Variants in WNK1 observed in about 807,000 individuals in gnomAD.
WNK1 encodes the protein serine/threonine-protein kinase WNK1.
WNK1 carries 38 observed loss-of-function variants against 222.8 expected under a neutral mutation model. That is an observed-to-expected ratio of 0.17 (90% CI 0.13 to 0.22). The LOEUF (loss-of-function observed/expected upper bound fraction) is 0.22. Among genes scored for constraint, WNK1 ranks in the 10% least tolerant of loss-of-function variants. The probability of loss-of-function intolerance (pLI) is 1.00; values close to 1 mark genes in which losing one functional copy is unlikely to be tolerated. For missense variants in WNK1, 2,348 were observed against 2,918.4 expected, an observed-to-expected ratio of 0.80 and a Z score of 4.50; for synonymous variants, 1,090 against 1,092.9, an observed-to-expected ratio of 1.00 and a Z score of 0.05.
At chr12:882,666 C>G (rs1342999184) in intron 14 of WNK1, among the ~76,000 whole-genome samples, 1 of 152,054 alleles carries the variant, frequency 6.6e-6, no homozygotes, top group East Asian at 1.9e-4. Flanking sequence ...TATAATTAGC[C>G]AAATGATATT....
intron 1 of WNK1, among the ~76,000 whole-genome samples, chr12:791,150 A>G (rs1462681602): frequency 2.0e-5 from 3 of 152,060 alleles, no homozygotes; most frequent in African/African-American, 7.2e-5. Context: ...TAGTACCACA[A>G]TATATAATAA....
chr12:756,865 G>C (rs1191904114), intron 1 of WNK1, among the ~76,000 whole-genome samples: 1 of 152,172 alleles, frequency 6.6e-6, no homozygotes, highest in African/African-American at 2.4e-5. Flanking sequence ...TTAAGTTGTT[G>C]AGTTAAAAAT....
chr12:762,900 C>A (rs1320153511), intron 1 of WNK1, among the ~76,000 whole-genome samples: 1 of 146,444 alleles, frequency 6.8e-6, no homozygotes, highest in Non-Finnish European at 1.5e-5. Flanking sequence ...GAAGGCGCCA[C>A]CATGCCCAGC....
chr12:864,992 G>A, intron 8 of WNK1: 1 of 1,319,592 alleles, frequency 7.6e-7, no homozygotes. Flanking sequence ...CTGACTTTGT[G>A]GAATTGGGAG....
At chr12:864,466 A>G (rs1367563813) in intron 8 of WNK1, among the ~76,000 whole-genome samples, 2 of 152,148 alleles carry the variant, frequency 1.3e-5, no homozygotes, top group Non-Finnish European at 2.9e-5. Flanking sequence ...TTACTTTGTA[A>G]AAGTACAAAA....
chr12:842,056 C>G (rs1353428513), intron 4 of WNK1, among the ~76,000 whole-genome samples: 1 of 152,170 alleles, frequency 6.6e-6, no homozygotes, highest in African/African-American at 2.4e-5. Flanking sequence ...TGTTTGTATT[C>G]ATTGTGCACA....
In WNK1 at chr12:885,381, C is replaced by T. The variant is rs1953558339; in HGVS notation, c.4577C>T (p.Ala1526Val). ...PTLAETVVVSAHSLDKTSHSS... is the reference protein window; with the variant it reads ...PTLAETVVVSVHSLDKTSHSS... ...TTAGCTGAAACCGTGGTAGTTAGCG[C>T]ACACTCACTAGATAAGACATCTCAT... The change falls in exon 19 of 28, where the codon GCA (alanine) becomes GTA (valine). Residue 1526 changes from alanine (A) to valine (V), a missense_variant. This residue lies in a region of WNK1 where 1,144 missense variants were observed against 1,273.6 expected (regional missense o/e 0.90). Transcript: ENST00000315939. 6.2e-7 allele frequency: 1 copy of T among 1,613,790 alleles called. No homozygotes were observed. Among genetic ancestry groups the T allele is most frequent in the Non-Finnish European group, 8.5e-7 (1 of 1,180,030 alleles).
chr12:904,209 T>C (rs1955511003), intron 26 of WNK1, among the ~76,000 whole-genome samples: 1 of 152,152 alleles, frequency 6.6e-6, no homozygotes. Context: ...GATACAAAGA[T>C]TGGGTGTAGA....
At chr12:835,616 A>T (rs991939415) in intron 4 of WNK1, among the ~76,000 whole-genome samples, 13 of 151,908 alleles carry the variant, frequency 8.6e-5, no homozygotes, top group African/African-American at 3.1e-4. Flanking sequence ...CCTCACCTGG[A>T]GTTTACATTC....
At chr12:799,268 G>A (rs1453544778) in intron 1 of WNK1, among the ~76,000 whole-genome samples, 1 of 151,602 alleles carries the variant, frequency 6.6e-6, no homozygotes, top group Non-Finnish European at 1.5e-5. Context: ...GACCTCAGGC[G>A]TGCACCACCA....
chr12:860,692 A>G (rs1220271939), intron 6 of WNK1, among the ~76,000 whole-genome samples: 1 of 152,202 alleles, frequency 6.6e-6, no homozygotes, highest in Non-Finnish European at 1.5e-5. Context: ...AGTGAATAGA[A>G]CAGAGTACCT....
chr12:822,402 C>G (rs935815842), intron 2 of WNK1, among the ~76,000 whole-genome samples: 2 of 152,142 alleles, frequency 1.3e-5, no homozygotes, highest in Admixed American at 1.3e-4. Context: ...CGTAATATAT[C>G]ACATTCCTAG....
At chr12:857,350 T>A (rs1950864097) in intron 5 of WNK1, 101 bp downstream of exon 5, 1 of 1,103,850 alleles carries the variant, frequency 9.1e-7, no homozygotes, top group African/African-American at 1.6e-5. Context: ...ATATTTGTGA[T>A]TGGTTTCTCT....
At chr12:806,789 T>C (rs565067230) in intron 1 of WNK1, among the ~76,000 whole-genome samples, 1 of 152,336 alleles carries the variant, frequency 6.6e-6, no homozygotes, top group East Asian at 1.9e-4. Context: ...GTCGTAGATA[T>C]TTGGAAATCT....
intron 1 of WNK1, among the ~76,000 whole-genome samples, chr12:779,094 G>C (rs1943416811): frequency 6.6e-6 from 1 of 152,184 alleles, no homozygotes; most frequent in African/African-American, 2.4e-5. Context: ...TTCAGTGGGA[G>C]AGCATTCTCT....
At chr12:807,618 C>A (rs1303388958) in intron 1 of WNK1, among the ~76,000 whole-genome samples, 2 of 150,896 alleles carry the variant, frequency 1.3e-5, no homozygotes, top group East Asian at 2.0e-4. Context: ...TTACCCTATT[C>A]AAAAAACTTT....
chr12:785,398 TC>T lies in WNK1; in HGVS notation c.760-28233del, dbSNP rs369159432. On this transcript the variant is annotated intron_variant, in intron 1 of 27. Coordinates refer to ENST00000315939, the MANE Select transcript of WNK1 (RefSeq NM_018979.4). ...ATGGTCTAACGTCCATATCATTTTC[TC>T]CCCCCCCCCCACCCCCTCGAAGTGG... is the stretch of plus-strand genomic sequence containing the variant. Among the ~76,000 whole-genome samples, 433 of 57,126 alleles carry T rather than the reference TC, an allele frequency of 7.6e-3. 2 individuals carry two copies. The highest frequency in any genetic ancestry group is 0.031 in the South Asian group (39 of 1,252). The allele number at this position is 57,126 out of a possible 152,430, so 37.5% of individuals were successfully genotyped here. A position where few individuals can be genotyped will look rare whatever the true frequency, so the allele number is the denominator to read the frequency against.
At chr12:861,500 T>C (rs1290564981) in intron 7 of WNK1, among the ~76,000 whole-genome samples, 157 bp downstream of exon 7, 1 of 152,202 alleles carries the variant, frequency 6.6e-6, no homozygotes, top group African/African-American at 2.4e-5. Context: ...TTTATTCTTA[T>C]ATCTGTGACT....
chr12:872,571 T>C (rs756743894), intron 9 of WNK1, among the ~76,000 whole-genome samples: 4 of 152,360 alleles, frequency 2.6e-5, no homozygotes, highest in East Asian at 1.9e-4. Context: ...ATCACTGATA[T>C]TAGTTAATAG....
Sources: gnomAD v4.1 joint callset for allele counts (sites outside exome capture counted in the v4.1 genomes callset) on GRCh38, gnomAD v4.1.1 for gene constraint, gnomAD v4.1.1 regional missense constraint, MANE v1.5 for transcripts, NCBI Gene and HGNC (gene_info 2026-07-23, HGNC 2026-07-21) for gene names.